Variants in URAD observed in about 807,000 individuals in gnomAD.
URAD encodes the protein ureidoimidazoline (2-oxo-4-hydroxy-4-carboxy-5-) decarboxylase.
In URAD, 4 loss-of-function variants were observed where a neutral mutation model predicts 4.6. The observed-to-expected ratio is 0.87, with a 90% CI of 0.43 to 1.98. The LOEUF (loss-of-function observed/expected upper bound fraction) is 1.98, where lower values mean the gene tolerates loss of function less well. Ranked by LOEUF, URAD falls within the 30% of genes most tolerant of loss-of-function variation. The probability of loss-of-function intolerance (pLI) is 0.03; values close to 1 mark genes in which losing one functional copy is unlikely to be tolerated. For missense variants in URAD, 300 were observed against 255.3 expected (o/e 1.18, Z -1.19); for synonymous variants, 144 against 118.2 (o/e 1.22, Z -1.41).
At position 27,987,892 on chromosome 13, in the gene URAD, T is replaced by TGATAGATAGATAGATA. The variant is rs6144971; in HGVS notation, c.175+555_175+570dup. Among the ~76,000 whole-genome samples the TGATAGATAGATAGATA allele has an allele frequency of 2.6e-3, 392 of 150,194 alleles. 2 individuals are homozygous for TGATAGATAGATAGATA. The highest frequency in any genetic ancestry group is 6.9e-3 in the East Asian group (35 of 5,038). The stretch of plus-strand genomic sequence containing the variant: ...AAGGAATTAGACTAAAATAGATAGA[T>TGATAGATAGATAGATA]GATAGATAGATAGATAGATAGATAG... On this transcript the variant is annotated intron_variant, in intron 1 of 1. Coordinates refer to ENST00000332715, the MANE Select transcript of URAD (RefSeq NM_001105577.2).
intron 1 of URAD, among the ~76,000 whole-genome samples, chr13:27,986,946 A>G (rs1795593918): frequency 6.6e-6 from 1 of 152,154 alleles, no homozygotes; most frequent in South Asian, 2.1e-4. Flanking sequence ...CCAGTGGAGG[A>G]GCTGAAGTCC....
At chr13:27,988,256 G>A (rs1204608602) in intron 1 of URAD, among the ~76,000 whole-genome samples, 1 of 89,244 alleles carries the variant, frequency 1.1e-5, no homozygotes, top group South Asian at 1.1e-3. Context: ...CAACACGCCC[G>A]GCCTAAAAGC....
At position 27,978,417 on chromosome 13, in the gene URAD, C is replaced by G; in HGVS notation, c.211G>C (p.Ala71Pro). ...EGILRCHPDL[A>P]GSELQRGTLT... ...GTGCCCCGCTGCAGCTCGCTGCCCG[C>G]CAGGTCCGGGTGGCAGCGCAGGATG... Residue 71 changes from alanine (A) to proline (P), a missense_variant, in exon 2 of 2, where the codon GCG becomes CCG. Ala to Pro is a conservative substitution (Grantham distance 27). Transcript: ENST00000332715. The G allele has an allele frequency of 7.2e-7, 1 of 1,384,152 alleles. No individual in the cohort carries two copies. The highest frequency in any genetic ancestry group is 9.3e-7 in the Non-Finnish European group (1 of 1,075,562). 85.7% of individuals were successfully genotyped at this position (1,384,152 alleles called of 1,614,324 possible).
rs1448288796 is a variant in URAD, at chr13:27,978,416, G to A, written c.212C>T (p.Ala71Val). 1.4e-6 allele frequency: 2 copies of A among 1,383,274 alleles called. No homozygotes were observed. The highest frequency in any genetic ancestry group is 3.1e-5 in the East Asian group (1 of 32,400). 85.7% of individuals were successfully genotyped at this position (1,383,274 alleles called of 1,614,324 possible). A position where few individuals can be genotyped will look rare whatever the true frequency, so the allele number is the denominator to read the frequency against. ...EGILRCHPDLAGSELQRGTLT... is the reference protein window; with the variant it reads ...EGILRCHPDLVGSELQRGTLT... ...CGTGCCCCGCTGCAGCTCGCTGCCC[G>A]CCAGGTCCGGGTGGCAGCGCAGGAT... is the stretch of plus-strand genomic sequence containing the variant. Residue 71 changes from alanine to valine, a missense_variant, in exon 2 of 2, where the codon GCG becomes GTG. Physicochemically the swap from Ala to Val is moderately conservative, Grantham distance 64. Transcript: ENST00000332715.
At chr13:27,980,685 C>A (rs1869848369) in intron 1 of URAD, among the ~76,000 whole-genome samples, 3 of 152,174 alleles carry the variant, frequency 2.0e-5, no homozygotes, top group African/African-American at 7.2e-5. Context: ...GAGGTCCGGG[C>A]GCGGGGTCTG....
chr13:27,981,898 C>G (rs1044884615), intron 1 of URAD, among the ~76,000 whole-genome samples: 9 of 152,190 alleles, frequency 5.9e-5, no homozygotes, highest in African/African-American at 2.2e-4. Context: ...TTCCCTGTTG[C>G]TCTCTTGTTT....
rs545418232 is a variant in URAD, at chr13:27,987,324, G to A, written c.175+1139C>T. On this transcript the variant is annotated intron_variant, in intron 1 of 1. Coordinates refer to ENST00000332715, the MANE Select transcript of URAD (RefSeq NM_001105577.2). ...CTCTGTGAAGCTGTGTGTGTCATTC[G>A]GAGTCACCCCCTCTTCTCCTCACCC... Among the ~76,000 whole-genome samples the A allele has an allele frequency of 2.3e-4, 35 of 152,122 alleles. No individual in the cohort carries two copies. The South Asian group carries it at 6.4e-3, about 28-fold the overall frequency.
rs1006721708 is a variant in URAD at position 27,988,585 on chromosome 13, A to C, written c.53T>G (p.Phe18Cys). The C allele has an allele frequency of 1.2e-6, 2 of 1,613,792 alleles. No homozygotes were observed. Among genetic ancestry groups the C allele is most frequent in the Non-Finnish European group, 1.7e-6 (2 of 1,179,810 alleles). Residue 18 changes from phenylalanine to cysteine, a missense_variant, in exon 1 of 2, where the codon TTT becomes TGT. Transcript: ENST00000332715. ...SMDLGEFVDV[F>C]GNATERCPLI... is the part of the protein sequence containing the mutation. ...AGGACATCTCTCAGTGGCATTCCCA[A>C]ACACATCCACGAATTCTCCAAGGTC... is the stretch of plus-strand genomic sequence containing the variant.
At chr13:27,987,409 C>T (rs1383276527) in intron 1 of URAD, among the ~76,000 whole-genome samples, 1 of 152,198 alleles carries the variant, frequency 6.6e-6, no homozygotes, top group African/African-American at 2.4e-5. Context: ...TAACTTCTTT[C>T]CCTTCCTCCA....
At position 27,978,071 on chromosome 13, in the gene URAD, G is replaced by T. The variant is rs571439486; in HGVS notation, c.*35C>A. The T allele has an allele frequency of 5.4e-5, 77 of 1,419,368 alleles. No individual in the cohort carries two copies. Among genetic ancestry groups the T allele is most frequent in the African/African-American group, 7.6e-5 (5 of 66,208 alleles). The allele number at this position is 1,419,368 out of a possible 1,614,324, so 87.9% of individuals were successfully genotyped here. On this transcript the variant is annotated 3_prime_UTR_variant, in exon 2 of 2. Transcript: ENST00000332715. Reference sequence around the variant, plus strand: ...TCCGGGCCGTGGCCCCCGCGCGTCCGGTTGTGCGTCCCGGGTCCCTGGCCC... The same window carrying T: ...TCCGGGCCGTGGCCCCCGCGCGTCCTGTTGTGCGTCCCGGGTCCCTGGCCC...
chr13:27,978,691 A>G (rs1869793794), intron 1 of URAD, among the ~76,000 whole-genome samples: 1 of 152,118 alleles, frequency 6.6e-6, no homozygotes, highest in Admixed American at 6.5e-5. Context: ...GGTCCCCACT[A>G]CATTCGGTCG....
At chr13:27,980,311 C>A (rs1869836944) in intron 1 of URAD, among the ~76,000 whole-genome samples, 1 of 151,942 alleles carries the variant, frequency 6.6e-6, no homozygotes, top group Non-Finnish European at 1.5e-5. Context: ...CCGCTTCCCG[C>A]GTCCAGCTCC....
At chr13:27,981,745 G>A (rs1869883507) in intron 1 of URAD, among the ~76,000 whole-genome samples, 1 of 152,240 alleles carries the variant, frequency 6.6e-6, no homozygotes, top group African/African-American at 2.4e-5. Context: ...TGTTCTTGAA[G>A]CTAGCTCTCC....
At chr13:27,980,768 ACGTGG>A (rs1400005990) in intron 1 of URAD, among the ~76,000 whole-genome samples, 3 of 152,114 alleles carry the variant, frequency 2.0e-5, no homozygotes, top group Non-Finnish European at 2.9e-5. Flanking sequence ...CGTCCCGCCA[ACGTGG>A]CGTACCCCGA....
chr13:27,987,928 A>AGATAGATAGAT (rs1037894530), intron 1 of URAD, among the ~76,000 whole-genome samples: 9 of 141,564 alleles, frequency 6.4e-5, no homozygotes, highest in Non-Finnish European at 1.3e-4. Context: ...ATAGATAGAT[A>AGATAGATAGAT]GATAGATTTT....
At position 27,978,318 on chromosome 13, in the gene URAD, G is replaced by A; in HGVS notation, c.310C>T (p.Leu104=). The A allele has an allele frequency of 2.2e-6, 3 of 1,395,300 alleles. No homozygotes were observed. The highest frequency in any genetic ancestry group is 1.6e-5 in the South Asian group (1 of 63,300). 86.4% of individuals were successfully genotyped at this position (1,395,300 alleles called of 1,614,324 possible). Residue 104 remains leucine, a synonymous_variant, in exon 2 of 2, where the codon CTG becomes TTG. Transcript: ENST00000332715. ...CGGTACTGCGCGTTGAGCTCGGCCAGCCGCAGCCGCTCGTCCGCGCCCAGG... is the reference window on the plus strand; with the variant it reads ...CGGTACTGCGCGTTGAGCTCGGCCAACCGCAGCCGCTCGTCCGCGCCCAGG... The part of the protein sequence containing the change: ...RSLGADERLR[L]AELNAQYRAR...
intron 1 of URAD, among the ~76,000 whole-genome samples, chr13:27,986,072 A>G (rs1387610273): frequency 6.6e-6 from 1 of 152,174 alleles, no homozygotes; most frequent in Non-Finnish European, 1.5e-5. Context: ...ACCGAGAAGC[A>G]GCCTCCACCA....
At chr13:27,988,015 G>A (rs1870086000) in intron 1 of URAD, among the ~76,000 whole-genome samples, 2 of 152,342 alleles carry the variant, frequency 1.3e-5, no homozygotes, top group South Asian at 4.1e-4. Flanking sequence ...CTGGAGTGCA[G>A]TGGTGAAATT....
intron 1 of URAD, among the ~76,000 whole-genome samples, chr13:27,982,715 C>T (rs1260632638): frequency 2.6e-5 from 4 of 152,156 alleles, no homozygotes; most frequent in African/African-American, 9.7e-5. Context: ...GTATCTTAGA[C>T]TCAGCAAGCT....
Sources: gnomAD v4.1 joint callset for allele counts (sites outside exome capture counted in the v4.1 genomes callset) on GRCh38, gnomAD v4.1.1 for gene constraint, MANE v1.5 for transcripts, NCBI Gene and HGNC (gene_info 2026-07-23, HGNC 2026-07-21) for gene names.